The following SLC17A5 variants were observed in gnomAD, a reference collection of about 807,000 sequenced individuals.
The protein encoded by SLC17A5 is solute carrier family 17 member 5, also known as sialin.
A neutral mutation model predicts 59.4 loss-of-function variants in SLC17A5; 47 were observed. That is an observed-to-expected ratio of 0.79 (90% CI 0.63 to 1.01). SLC17A5 has a LOEUF of 1.01. SLC17A5 is among the 50% of genes least tolerant of loss of function. The pLI, the probability that SLC17A5 is intolerant of heterozygous loss-of-function variation, is 0.00. For missense variants in SLC17A5, 522 were observed against 595.5 expected, an observed-to-expected ratio of 0.88 and a Z score of 1.28; for synonymous variants, 202 against 210.7, an observed-to-expected ratio of 0.96 and a Z score of 0.36.
At chr6:73,600,302 A>G (rs761645794) in intron 10 of SLC17A5, 49 bp downstream of exon 10, 1 of 1,293,072 alleles carries the variant, frequency 7.7e-7, no homozygotes, top group Non-Finnish European at 1.1e-6. Flanking sequence ...TTTGACACAG[A>G]TGTGCAGCTC....
At chr6:73,597,074 T>C (rs1766842326) in intron 10 of SLC17A5, among the ~76,000 whole-genome samples, 1 of 151,670 alleles carries the variant, frequency 6.6e-6, no homozygotes, top group Non-Finnish European at 1.5e-5. Context: ...GGCAGGAGAA[T>C]TGCTTGAACC....
chr6:73,643,498 C>T (rs909279910), intron 2 of SLC17A5, among the ~76,000 whole-genome samples: 4 of 148,374 alleles, frequency 2.7e-5, no homozygotes, highest in Non-Finnish European at 4.5e-5. Flanking sequence ...TTTTTTGAGA[C>T]GAAGTCTTGC....
At chr6:73,650,037 G>A (rs1022607192) in intron 1 of SLC17A5, among the ~76,000 whole-genome samples, 1 of 151,956 alleles carries the variant, frequency 6.6e-6, no homozygotes, top group African/African-American at 2.4e-5. Context: ...ACAAAGAAGG[G>A]GGCAAGGGAA....
chr6:73,595,027 C>T lies in SLC17A5; in HGVS notation c.*50G>A, dbSNP rs765681655. On this transcript the variant is annotated 3_prime_UTR_variant, in exon 11 of 11. Coordinates refer to ENST00000355773, the MANE Select transcript of SLC17A5 (RefSeq NM_012434.5). ...CAATACAGAAGGCACTTTGAGGTTA[C>T]ATGATAAATAAAAATACATTAATAG... 8 of 1,601,518 alleles carry T rather than the reference C, an allele frequency of 5.0e-6. No homozygotes were observed. Among genetic ancestry groups the T allele is most frequent in the Non-Finnish European group, 6.8e-6 (8 of 1,168,806 alleles).
At chr6:73,627,146 G>A (rs933483412) in intron 6 of SLC17A5, among the ~76,000 whole-genome samples, 4 of 150,962 alleles carry the variant, frequency 2.6e-5, no homozygotes, top group Non-Finnish European at 5.9e-5. Flanking sequence ...TCGTGATCTC[G>A]GCTCACTGCA....
rs1581982056 is a variant in SLC17A5, at chr6:73,635,140, T to C, written c.819+242A>G. On this transcript the variant is annotated intron_variant, in intron 6 of 10. Coordinates refer to ENST00000355773, the MANE Select transcript of SLC17A5 (RefSeq NM_012434.5). The stretch of plus-strand genomic sequence containing the variant: ...GTTTTGTAGAGAAAGGGTCTCACTA[T>C]GTTGACTAGGCTAGTCTCCTGACCT... 1.4e-5 allele frequency: 4 copies of C among 276,384 alleles called. No individual in the cohort carries two copies. The East Asian group carries it at 2.5e-4, about 17-fold the overall frequency. 17.1% of individuals were successfully genotyped at this position (276,384 alleles called of 1,614,324 possible). A position where few individuals can be genotyped will look rare whatever the true frequency, so the allele number is the denominator to read the frequency against.
At chr6:73,639,100 T>C (rs1209247589) in intron 3 of SLC17A5, among the ~76,000 whole-genome samples, 1 of 152,214 alleles carries the variant, frequency 6.6e-6, no homozygotes, top group African/African-American at 2.4e-5. Flanking sequence ...TCAATTAGCA[T>C]GTTTACAGCC....
At chr6:73,604,635 C>G (rs1249867109) in intron 9 of SLC17A5, among the ~76,000 whole-genome samples, 1 of 151,072 alleles carries the variant, frequency 6.6e-6, no homozygotes, top group Non-Finnish European at 1.5e-5. Flanking sequence ...GGCTGTAGAC[C>G]CGCTCGCTAC....
At chr6:73,620,301 A>G (rs552765752) in intron 7 of SLC17A5, among the ~76,000 whole-genome samples, 2 of 151,964 alleles carry the variant, frequency 1.3e-5, no homozygotes, top group Non-Finnish European at 2.9e-5. Flanking sequence ...TTCAATGCAC[A>G]GTTGAATGCA....
chr6:73,644,403 C>G lies in SLC17A5; in HGVS notation c.291+4G>C. The G allele has an allele frequency of 2.5e-6, 4 of 1,610,294 alleles. No homozygotes were observed. Among genetic ancestry groups the G allele is most frequent in the Non-Finnish European group, 3.4e-6 (4 of 1,177,024 alleles). On this transcript the variant is annotated splice_donor_region_variant and intron_variant, in intron 2 of 10. Transcript: ENST00000355773. ...AAATTGTTTCCTTAAAAAATAGCAC[C>G]TACCGTTTGATTATGATGAACTTTT...
intron 1 of SLC17A5, among the ~76,000 whole-genome samples, chr6:73,648,078 A>C (rs988937007): frequency 3.9e-5 from 6 of 152,234 alleles, no homozygotes; most frequent in Non-Finnish European, 5.9e-5. Flanking sequence ...TCAAAAAAAA[A>C]AGAAAATAAA....
At chr6:73,633,386 T>A (rs1024028982) in intron 6 of SLC17A5, among the ~76,000 whole-genome samples, 1 of 151,764 alleles carries the variant, frequency 6.6e-6, no homozygotes, top group Non-Finnish European at 1.5e-5. Context: ...TAAAAAGAAA[T>A]GTTAAAGAGT....
Position 73,602,299 on chromosome 6 carries a change from T to C in SLC17A5, c.1260-1858A>G, listed in dbSNP as rs1354337278. ...CTCAAGTACCCAGGGACACAAACAC[T>C]GCGGAACGCCGCAGGGTCCTCTGCC... On this transcript the variant is annotated intron_variant, in intron 9 of 10. Transcript: ENST00000355773. Among the ~76,000 whole-genome samples the C allele has an allele frequency of 8.9e-4, 130 of 146,666 alleles. 1 individual carries two copies. Among genetic ancestry groups the C allele is most frequent in the African/African-American group, 3.1e-3 (122 of 38,800 alleles).
intron 9 of SLC17A5, among the ~76,000 whole-genome samples, chr6:73,604,714 G>A (rs1767316687): frequency 6.6e-6 from 1 of 152,114 alleles, no homozygotes; most frequent in South Asian, 2.1e-4. Context: ...TCTTGCTGCT[G>A]TACTCCAGCC....
intron 9 of SLC17A5, among the ~76,000 whole-genome samples, chr6:73,602,353 GT>G (rs1767175863): frequency 6.7e-6 from 1 of 148,674 alleles, no homozygotes; most frequent in African/African-American, 2.5e-5. Context: ...TTGTTCACTT[GT>G]TTATCTGCCG....
chr6:73,634,630 C>A (rs1561997199), intron 6 of SLC17A5, among the ~76,000 whole-genome samples: 1 of 152,270 alleles, frequency 6.6e-6, no homozygotes, highest in South Asian at 2.1e-4. Flanking sequence ...GAACTCCTGA[C>A]CTCAGGCGAT....
intron 9 of SLC17A5, among the ~76,000 whole-genome samples, chr6:73,608,450 A>C (rs1561987362): frequency 6.6e-6 from 1 of 152,186 alleles, no homozygotes; most frequent in Non-Finnish European, 1.5e-5. Context: ...CAGTCTTAGG[A>C]CAAAACTACT....
chr6:73,599,246 C>T (rs567224153), intron 10 of SLC17A5, among the ~76,000 whole-genome samples: 2 of 152,036 alleles, frequency 1.3e-5, no homozygotes, highest in South Asian at 2.1e-4. Flanking sequence ...GGGTCTCCCG[C>T]TCTCACCCAG....
At chr6:73,639,148 A>G (rs1481690388) in intron 3 of SLC17A5, among the ~76,000 whole-genome samples, 1 of 152,196 alleles carries the variant, frequency 6.6e-6, no homozygotes, top group East Asian at 1.9e-4. Context: ...AGCCTAGTAG[A>G]TGCCAATTAC....
Sources: gnomAD v4.1 joint callset for allele counts (sites outside exome capture counted in the v4.1 genomes callset) on GRCh38, gnomAD v4.1.1 for gene constraint, MANE v1.5 for transcripts, NCBI Gene and HGNC (gene_info 2026-07-23, HGNC 2026-07-21) for gene names.